Variants in MTFMT observed in about 807,000 individuals in gnomAD.
MTFMT encodes the protein methionyl-tRNA formyltransferase, mitochondrial.
A neutral mutation model predicts 51.8 loss-of-function variants in MTFMT; 47 were observed. The ratio of observed to expected loss-of-function variants is 0.91; its 90% CI spans 0.72 to 1.16. The LOEUF (loss-of-function observed/expected upper bound fraction) is 1.16, where lower values mean the gene tolerates loss of function less well. Among genes scored for constraint, MTFMT ranks in the 50% most tolerant of loss-of-function variants. MTFMT has a pLI of 0.00. For synonymous variants in MTFMT, 196 were observed against 176.7 expected (o/e 1.11, Z -0.87); for missense variants, 512 against 482.3 (o/e 1.06, Z -0.58).
chr15:65,023,868 C>T (rs1178139460), intron 2 of MTFMT, 74 bp from the exon 3 acceptor site: 18 of 1,306,392 alleles, frequency 1.4e-5, no homozygotes, highest in Non-Finnish European at 1.8e-5. Flanking sequence ...AGCTATTATG[C>T]TACTTTTCAT....
At chr15:65,006,687 T>C (rs1469595901) in intron 6 of MTFMT, among the ~76,000 whole-genome samples, 1 of 152,156 alleles carries the variant, frequency 6.6e-6, no homozygotes, top group Non-Finnish European at 1.5e-5. Context: ...ATTTATAAGA[T>C]CTTAAATGTT....
intron 1 of MTFMT, among the ~76,000 whole-genome samples, chr15:65,028,637 G>A (rs944839678): frequency 3.3e-5 from 5 of 151,686 alleles, no homozygotes; most frequent in Non-Finnish European, 7.4e-5. Context: ...AGATGGAGAT[G>A]ACCAAAAAAA....
At chr15:65,010,643 C>T (rs547509854) in intron 6 of MTFMT, among the ~76,000 whole-genome samples, 67 of 152,222 alleles carry the variant, frequency 4.4e-4, no homozygotes, top group African/African-American at 1.6e-3. Flanking sequence ...TTTGGCCATT[C>T]TGAATAATGC....
chr15:65,014,511 A>G (rs550507701), intron 6 of MTFMT, among the ~76,000 whole-genome samples: 3 of 151,914 alleles, frequency 2.0e-5, no homozygotes, highest in East Asian at 3.9e-4. Context: ...TTTTTAGTAG[A>G]GACGGGGTTT....
chr15:65,012,275 T>C (rs548575667), intron 6 of MTFMT, among the ~76,000 whole-genome samples: 1 of 151,622 alleles, frequency 6.6e-6, no homozygotes, highest in Non-Finnish European at 1.5e-5. Flanking sequence ...ACCTGCACAT[T>C]GTGCACATGT....
chr15:65,011,514 G>C (rs1460901752), intron 6 of MTFMT, among the ~76,000 whole-genome samples: 2 of 15,250 alleles, frequency 1.3e-4, no homozygotes, highest in African/African-American at 5.4e-4. Context: ...TTTTTTTTTT[G>C]AGACAGGGTC....
intron 6 of MTFMT, among the ~76,000 whole-genome samples, chr15:65,006,747 A>T (rs1050854526): frequency 6.6e-6 from 1 of 152,202 alleles, no homozygotes; most frequent in African/African-American, 2.4e-5. Context: ...CCAATTAAAA[A>T]TTTATTATCC....
chr15:65,027,735 T>C (rs2086438436), intron 1 of MTFMT, among the ~76,000 whole-genome samples: 1 of 152,192 alleles, frequency 6.6e-6, no homozygotes, highest in Non-Finnish European at 1.5e-5. Flanking sequence ...ATACGTATAT[T>C]TGTATATTCA....
At chr15:65,021,699 T>C in intron 3 of MTFMT, 83 bp from the exon 4 acceptor site, 1 of 1,088,396 alleles carries the variant, frequency 9.2e-7, no homozygotes, top group Non-Finnish European at 1.3e-6. Context: ...AGATACAAGC[T>C]GGGTACAGTG....
At chr15:65,008,017 T>C (rs1467577786) in intron 6 of MTFMT, among the ~76,000 whole-genome samples, 1 of 152,310 alleles carries the variant, frequency 6.6e-6, no homozygotes, top group East Asian at 1.9e-4. Flanking sequence ...ACTTTAAGAT[T>C]ATTAAATATT....
intron 6 of MTFMT, among the ~76,000 whole-genome samples, 186 bp from the exon 7 acceptor site, chr15:65,006,377 TC>T (rs1264661311): frequency 5.5e-5 from 8 of 144,616 alleles, no homozygotes; most frequent in Non-Finnish European, 1.1e-4. Flanking sequence ...ATTTATAAGA[TC>T]TTTTTTTTTT....
At position 65,021,589 on chromosome 15, in the gene MTFMT, T is replaced by G. The variant is rs1234844399; in HGVS notation, c.570A>C (p.Gln190His). ...TCTTGGGTGGCACAGGAACAGTTTC[T>G]TGTTTGAGAATTGGGCCTACATCAA... The part of the protein sequence containing the change: ...KRFDVGPILK[Q>H]ETVPVPPKST... The change falls in exon 4 of 9, where the codon CAA becomes CAC. Residue 190 changes from glutamine to histidine, a missense_variant. Coordinates refer to ENST00000220058, the MANE Select transcript of MTFMT (RefSeq NM_139242.4). 4 of 1,590,446 alleles carry G rather than the reference T, an allele frequency of 2.5e-6. No homozygotes were observed. The highest frequency in any genetic ancestry group is 2.7e-5 in the African/African-American group (2 of 74,530).
intron 8 of MTFMT, 124 bp from the exon 9 acceptor site, chr15:65,003,380 A>G (rs2086193419): frequency 4.3e-6 from 3 of 693,612 alleles, no homozygotes. Context: ...CTAAATGCCT[A>G]GCTGCAAACA....
At position 65,029,482 on chromosome 15, in the gene MTFMT, C is replaced by G. The variant is rs755050724; in HGVS notation, c.132G>C (p.Glu44Asp). The change falls in exon 1 of 9, where the codon GAG (glutamate) becomes GAC (aspartate). Residue 44 changes from glutamate to aspartate, a missense_variant. Coordinates refer to ENST00000220058, the MANE Select transcript of MTFMT (RefSeq NM_139242.4). ...AGAAGAGCACCCGCCAGGGAGGCTTCTCGCGGACTCTGGAGTCCCGGCAGT... is the reference window on the plus strand; with the variant it reads ...AGAAGAGCACCCGCCAGGGAGGCTTGTCGCGGACTCTGGAGTCCCGGCAGT... ...WEDCRDSRVR[E>D]KPPWRVLFFG... 1 of 1,534,128 alleles carries G rather than the reference C, an allele frequency of 6.5e-7. No homozygotes were observed. Among genetic ancestry groups the G allele is most frequent in the South Asian group, 1.2e-5 (1 of 82,148 alleles).
chr15:65,008,827 A>T (rs2086239612), intron 6 of MTFMT, among the ~76,000 whole-genome samples: 1 of 152,212 alleles, frequency 6.6e-6, no homozygotes, highest in Non-Finnish European at 1.5e-5. Flanking sequence ...ATAACTCAAA[A>T]TATTTTTGAA....
chr15:65,006,980 AT>A (rs1284087453), intron 6 of MTFMT, among the ~76,000 whole-genome samples: 1 of 152,204 alleles, frequency 6.6e-6, no homozygotes, highest in Non-Finnish European at 1.5e-5. Flanking sequence ...CAACATGTCC[AT>A]GGTGAAAAGT....
At chr15:65,016,227 T>G in intron 6 of MTFMT, 1 of 356,904 alleles carries the variant, frequency 2.8e-6, no homozygotes, top group South Asian at 5.4e-5. Context: ...TAAAAGTGCT[T>G]TGTGAATTCT....
At chr15:65,024,226 T>G (rs916181296) in intron 2 of MTFMT, among the ~76,000 whole-genome samples, 41 of 152,180 alleles carry the variant, frequency 2.7e-4, no homozygotes, top group African/African-American at 9.9e-4. Flanking sequence ...CTCGGAAGGC[T>G]GAGACAGGAG....
At chr15:65,003,849 A>AAAAAAAAAAAAAAAAAC (rs1402124844) in intron 8 of MTFMT, among the ~76,000 whole-genome samples, 1 of 147,504 alleles carries the variant, frequency 6.8e-6, no homozygotes, top group East Asian at 1.9e-4. Context: ...CCATCTCAAA[A>AAAAAAAAAAAAAAAAAC]AAAAAAAAAA....
Sources: allele counts gnomAD v4.1 joint callset (sites outside exome capture counted in the v4.1 genomes callset), GRCh38; gene constraint gnomAD v4.1.1; transcripts MANE v1.5; gene names NCBI Gene and HGNC (gene_info 2026-07-23, HGNC 2026-07-21).